The following AVEN variants were observed in gnomAD, a reference collection of about 807,000 sequenced individuals.
The protein encoded by AVEN is apoptosis and caspase activation inhibitor.
A neutral mutation model predicts 38.1 loss-of-function variants in AVEN; 41 were observed. That is an observed-to-expected ratio of 1.08 (90% CI 0.84 to 1.40). The LOEUF (loss-of-function observed/expected upper bound fraction) is 1.40. AVEN is among the 40% of genes most tolerant of loss of function. The pLI is 0.00. For synonymous variants in AVEN, 206 were observed against 171.8 expected, an observed-to-expected ratio of 1.20 and a Z score of -1.56; for missense variants, 605 against 438.8, an observed-to-expected ratio of 1.38 and a Z score of -3.38.
chr15:33,900,846 T>G (rs932012055), intron 2 of AVEN, among the ~76,000 whole-genome samples: 5 of 152,220 alleles, frequency 3.3e-5, no homozygotes, highest in Admixed American at 1.3e-4. Flanking sequence ...TTTTTGTGTT[T>G]TCTTCAGTAG....
intron 4 of AVEN, among the ~76,000 whole-genome samples, 162 bp downstream of exon 4, chr15:33,870,773 T>G (rs578143219): frequency 1.3e-5 from 2 of 152,268 alleles, no homozygotes; most frequent in East Asian, 3.9e-4. Context: ...TTCAAAAAAT[T>G]TTTGGATTCT....
chr15:34,029,517 C>CAAAA (rs66519745), intron 1 of AVEN, among the ~76,000 whole-genome samples: 65 of 118,536 alleles, frequency 5.5e-4, no homozygotes, highest in African/African-American at 8.8e-4. Context: ...CCTATTTCTA[C>CAAAA]AAAAAAAAAA....
intron 2 of AVEN, among the ~76,000 whole-genome samples, chr15:33,992,735 C>T (rs889351988): frequency 1.3e-5 from 2 of 152,068 alleles, no homozygotes; most frequent in Non-Finnish European, 2.9e-5. Context: ...AGAAAAGGTT[C>T]GAGGTTTAAT....
At chr15:34,013,637 G>A (rs972511408) in intron 1 of AVEN, among the ~76,000 whole-genome samples, 14 of 152,330 alleles carry the variant, frequency 9.2e-5, no homozygotes, top group African/African-American at 3.4e-4. Flanking sequence ...AGAACTCACA[G>A]TGCTGTGGGA....
intron 1 of AVEN, among the ~76,000 whole-genome samples, chr15:34,003,652 T>C (rs1419737242): frequency 6.6e-6 from 1 of 152,332 alleles, no homozygotes; most frequent in Non-Finnish European, 1.5e-5. Context: ...AATGAAAGTA[T>C]GACATTATTT....
At chr15:33,944,545 C>A (rs886420329) in intron 2 of AVEN, among the ~76,000 whole-genome samples, 2 of 152,186 alleles carry the variant, frequency 1.3e-5, no homozygotes, top group African/African-American at 4.8e-5. Context: ...AGGCACGGCT[C>A]ACGCCTGTAA....
downstream of AVEN, among the ~76,000 whole-genome samples, chr15:33,858,446 A>C (rs887125189): frequency 6.6e-6 from 1 of 152,054 alleles, no homozygotes; most frequent in African/African-American, 2.4e-5. Context: ...ACCTCAGGTG[A>C]TCTGCCCACC....
At chr15:33,861,278 A>G, downstream of AVEN, 1 of 771,852 alleles carries the variant, frequency 1.3e-6, no homozygotes, top group Non-Finnish European at 2.1e-6. Context: ...GTAACCAGAA[A>G]GGAACTTCCA....
At chr15:33,884,150 A>C (rs1891603258) in intron 2 of AVEN, among the ~76,000 whole-genome samples, 1 of 152,206 alleles carries the variant, frequency 6.6e-6, no homozygotes, top group Non-Finnish European at 1.5e-5. Flanking sequence ...CACCATGCCC[A>C]GAGAGCATTT....
chr15:33,981,443 C>T (rs141166094), intron 2 of AVEN, among the ~76,000 whole-genome samples: 1 of 140,626 alleles, frequency 7.1e-6, no homozygotes, highest in South Asian at 2.3e-4. Context: ...CTAAACATAA[C>T]CAAGTTTTTT....
chr15:34,017,024 A>AGGAGGCTGAGGTGGGAGGATCACC (rs1384947434), intron 1 of AVEN, among the ~76,000 whole-genome samples: 3 of 107,222 alleles, frequency 2.8e-5, no homozygotes, highest in Non-Finnish European at 4.8e-5. Context: ...CAAGCTACTC[A>AGGAGGCTGAGGTGGGAGGATCACC]GGAGGCTGAG....
chr15:33,877,642 T>G (rs933262204), intron 2 of AVEN, among the ~76,000 whole-genome samples: 6 of 151,980 alleles, frequency 3.9e-5, no homozygotes, highest in Admixed American at 1.3e-4. Context: ...TGGTGAAACC[T>G]CATCTCTACT....
At position 34,027,453 on chromosome 15, in the gene AVEN, C is replaced by T. The variant is rs187371942; in HGVS notation, c.267+11327G>A. 2.7e-3 allele frequency among the ~76,000 whole-genome samples: 405 copies of T among 150,568 alleles called. 4 individuals are homozygous for T. Among genetic ancestry groups the T allele is most frequent in the African/African-American group, 9.3e-3 (384 of 41,244 alleles). ...CTGAGGCAGGAGAATCGCTTGAACC[C>T]GGAAGGCAGAGGTTGCAGTGAGCTG... On this transcript the variant is annotated intron_variant, in intron 1 of 5. Coordinates refer to ENST00000306730, the MANE Select transcript of AVEN (RefSeq NM_020371.3).
chr15:34,000,478 C>T (rs1245495171), intron 2 of AVEN, among the ~76,000 whole-genome samples: 6 of 152,100 alleles, frequency 3.9e-5, no homozygotes, highest in African/African-American at 1.2e-4. Context: ...TCATCTTTAC[C>T]GTGGAAAGCA....
chr15:33,871,856 G>T (rs1454179314), intron 3 of AVEN, among the ~76,000 whole-genome samples: 1 of 151,596 alleles, frequency 6.6e-6, no homozygotes, highest in East Asian at 1.9e-4. Flanking sequence ...TAAAGCTGAA[G>T]AAGGCCTTAG....
intron 2 of AVEN, among the ~76,000 whole-genome samples, chr15:33,985,528 T>A (rs920347574): frequency 2.6e-5 from 4 of 151,826 alleles, no homozygotes; most frequent in African/African-American, 9.7e-5. Context: ...AACACAACTA[T>A]GAGAAATTCA....
chr15:34,005,844 A>T (rs1897315656), intron 1 of AVEN, among the ~76,000 whole-genome samples: 1 of 152,186 alleles, frequency 6.6e-6, no homozygotes, highest in Non-Finnish European at 1.5e-5. Context: ...ATATCATCAT[A>T]AGCCTCCCTG....
chr15:33,945,691 G>C (rs1443963933), intron 2 of AVEN, among the ~76,000 whole-genome samples: 2 of 152,010 alleles, frequency 1.3e-5, no homozygotes, highest in Non-Finnish European at 2.9e-5. Flanking sequence ...GTTCAAGCGA[G>C]TCCCCTGCCT....
intron 2 of AVEN, among the ~76,000 whole-genome samples, chr15:33,978,335 C>T (rs945408418): frequency 3.3e-5 from 5 of 152,088 alleles, no homozygotes; most frequent in African/African-American, 1.2e-4. Flanking sequence ...TGGGGGAGTA[C>T]ATTTAATAAT....
Sources: allele counts gnomAD v4.1 joint callset (sites outside exome capture counted in the v4.1 genomes callset), GRCh38; gene constraint gnomAD v4.1.1; transcripts MANE v1.5; gene names NCBI Gene and HGNC (gene_info 2026-07-23, HGNC 2026-07-21).